FOXO3: variants seen among roughly 807,000 people sequenced by gnomAD.
The protein encoded by FOXO3 is forkhead box O3.
In FOXO3, 4 loss-of-function variants were observed where a neutral mutation model predicts 41.9. The ratio of observed to expected loss-of-function variants is 0.10; its 90% CI spans 0.05 to 0.22. FOXO3 has a LOEUF of 0.22. Ranked by LOEUF, FOXO3 falls within the 10% of genes least tolerant of loss-of-function variation. The probability of loss-of-function intolerance (pLI) is 1.00; values close to 1 mark genes in which losing one functional copy is unlikely to be tolerated. For missense variants in FOXO3, 534 were observed against 906.8 expected (o/e 0.59, Z 5.28); for synonymous variants, 318 against 389.3 (o/e 0.82, Z 2.16).
chr6:108,642,163 G>A (rs1000654188), intron 1 of FOXO3, among the ~76,000 whole-genome samples: 3 of 144,262 alleles, frequency 2.1e-5, no homozygotes, highest in Non-Finnish European at 4.5e-5. Context: ...ATCTCAACTT[G>A]TTGCAACCTC....
intron 2 of FOXO3, among the ~76,000 whole-genome samples, chr6:108,676,125 T>A (rs537992141): frequency 6.6e-6 from 1 of 152,326 alleles, no homozygotes; most frequent in African/African-American, 2.4e-5. Flanking sequence ...TTATTTGGTC[T>A]CCCCATTTCA....
At chr6:108,659,215 ATTTT>A (rs904247377) in intron 1 of FOXO3, among the ~76,000 whole-genome samples, 2 of 151,712 alleles carry the variant, frequency 1.3e-5, no homozygotes, top group African/African-American at 2.4e-5. Context: ...TTAAAAAAAA[ATTTT>A]TTTTTAGGAA....
At chr6:108,610,980 A>G (rs1777346066) in intron 1 of FOXO3, among the ~76,000 whole-genome samples, 1 of 152,218 alleles carries the variant, frequency 6.6e-6, no homozygotes, top group African/African-American at 2.4e-5. Flanking sequence ...CAAACATTTC[A>G]TCGCCACAAA....
At chr6:108,657,478 C>G (rs1778720816) in intron 1 of FOXO3, among the ~76,000 whole-genome samples, 2 of 152,114 alleles carry the variant, frequency 1.3e-5, no homozygotes, top group Admixed American at 1.3e-4. Flanking sequence ...CTATCTTAGC[C>G]TTAAGGAAGG....
At chr6:108,560,510 G>A (rs1009003315), upstream of FOXO3, among the ~76,000 whole-genome samples, 7 of 152,190 alleles carry the variant, frequency 4.6e-5, no homozygotes, top group Non-Finnish European at 7.3e-5. Flanking sequence ...GCCCGCGGGC[G>A]AAGAGGGGAG....
intron 1 of FOXO3, among the ~76,000 whole-genome samples, chr6:108,588,288 C>T (rs760693695): frequency 2.7e-5 from 4 of 150,872 alleles, no homozygotes; most frequent in Non-Finnish European, 2.9e-5. Context: ...GTTCCTTTTG[C>T]TAGTTTTCTG....
At chr6:108,665,027 C>A in intron 2 of FOXO3, 138 bp downstream of exon 2, 1 of 948,290 alleles carries the variant, frequency 1.1e-6, no homozygotes, top group Non-Finnish European at 1.5e-6. Flanking sequence ...ATATGGCTCC[C>A]AGCCAGTTCC....
intron 2 of FOXO3, among the ~76,000 whole-genome samples, chr6:108,669,533 G>A (rs941494678): frequency 5.9e-5 from 9 of 152,050 alleles, no homozygotes; most frequent in African/African-American, 2.2e-4. Context: ...TATAGTCTTC[G>A]GTTATAGTAT....
chr6:108,587,629 G>A (rs1175317420), intron 1 of FOXO3, among the ~76,000 whole-genome samples: 5 of 152,066 alleles, frequency 3.3e-5, no homozygotes, highest in African/African-American at 1.2e-4. Context: ...TCTCCCCTTC[G>A]TTTTAGACCA....
At chr6:108,660,128 G>A (rs1375183340) in intron 1 of FOXO3, among the ~76,000 whole-genome samples, 1 of 152,176 alleles carries the variant, frequency 6.6e-6, no homozygotes, top group East Asian at 1.9e-4. Context: ...TTAGCCTCGG[G>A]ACCTCCGTGT....
chr6:108,561,239 C>G lies in FOXO3; in HGVS notation c.31C>G (p.Leu11Val). Reference sequence around the variant, plus strand: ...AGAGGCACCGGCTTCCCCGGCCCCGCTCTCTCCGCTCGAAGTGGAGCTGGA... The same window carrying G: ...AGAGGCACCGGCTTCCCCGGCCCCGGTCTCTCCGCTCGAAGTGGAGCTGGA... MAEAPASPAP[L>V]SPLEVELDPE... The change falls in exon 1 of 3, where the codon CTC becomes GTC. Residue 11 changes from leucine to valine, a missense_variant. Physicochemically the swap from Leu to Val is conservative, Grantham distance 32. Transcript: ENST00000406360. 1 of 1,564,308 alleles carries G rather than the reference C, an allele frequency of 6.4e-7. No individual in the cohort carries two copies. Among genetic ancestry groups the G allele is most frequent in the East Asian group, 2.4e-5 (1 of 41,798 alleles).
intron 1 of FOXO3, among the ~76,000 whole-genome samples, chr6:108,631,071 T>C (rs1265010255): frequency 6.6e-6 from 1 of 152,244 alleles, no homozygotes; most frequent in Non-Finnish European, 1.5e-5. Context: ...TATACTGCTT[T>C]CTTAAACTAA....
At chr6:108,635,243 G>C (rs113696917) in intron 1 of FOXO3, among the ~76,000 whole-genome samples, 6,697 of 152,008 alleles carry the variant, frequency 0.044, 429 homozygotes, top group African/African-American at 0.14. Context: ...TGCAGTGAGC[G>C]GAGATCACAC....
At chr6:108,572,437 T>C (rs1284288276) in intron 1 of FOXO3, among the ~76,000 whole-genome samples, 2 of 152,232 alleles carry the variant, frequency 1.3e-5, no homozygotes, top group Non-Finnish European at 2.9e-5. Context: ...TTCAGGCTTA[T>C]GTCTGCTCTG....
intron 2 of FOXO3, among the ~76,000 whole-genome samples, chr6:108,675,771 T>C (rs1442113832): frequency 3.9e-5 from 6 of 152,238 alleles, no homozygotes; most frequent in African/African-American, 7.2e-5. Flanking sequence ...TTTCAACTTA[T>C]GATCTCTTTT....
rs551582260 is a variant in FOXO3 at position 108,625,633 on chromosome 6, C to T, written c.622-37822C>T. On this transcript the variant is annotated intron_variant, in intron 1 of 2. Coordinates refer to ENST00000406360, the MANE Select transcript of FOXO3 (RefSeq NM_001455.4). ...AAGCTGTGTTGAGAAGAGTTCTAAG[C>T]TCTGCTGCCTGTGTCAGTGTTCTCT... 2.0e-3 allele frequency among the ~76,000 whole-genome samples: 308 copies of T among 152,234 alleles called. 1 individual carries two copies. The highest frequency in any genetic ancestry group is 3.7e-3 in the Non-Finnish European group (255 of 68,018).
chr6:108,634,968 G>GTA (rs1189599038), intron 1 of FOXO3, among the ~76,000 whole-genome samples: 6 of 151,250 alleles, frequency 4.0e-5, no homozygotes, highest in East Asian at 3.9e-4. Context: ...TTGTGTGCAT[G>GTA]TATATATATA....
Position 108,569,987 on chromosome 6 carries a change from GTTTTTTTTTTTTT to G in FOXO3, c.621+8176_621+8188del, listed in dbSNP as rs71015551. The stretch of plus-strand genomic sequence containing the variant: ...TCCACATCATGTTTTCCCTTGCGTG[GTTTTTTTTTTTTT>G]TTTTTTTTTTTTTTTTTGAGACAGA... On this transcript the variant is annotated intron_variant, in intron 1 of 2. Transcript: ENST00000406360. Among the ~76,000 whole-genome samples the G allele has an allele frequency of 9.2e-3, 676 of 73,272 alleles. 3 individuals carry two copies. The highest frequency in any genetic ancestry group is 0.022 in the Middle Eastern group (2 of 90). 48.1% of individuals were successfully genotyped at this position (73,272 alleles called of 152,430 possible). A position where few individuals can be genotyped will look rare whatever the true frequency, so the allele number is the denominator to read the frequency against.
At chr6:108,579,281 T>TG (rs1359433701) in intron 1 of FOXO3, among the ~76,000 whole-genome samples, 6 of 152,136 alleles carry the variant, frequency 3.9e-5, no homozygotes, top group Non-Finnish European at 7.4e-5. Flanking sequence ...GTTTTCTTCT[T>TG]GGGGGAGTGG....
Sources: gnomAD v4.1 joint callset for allele counts (sites outside exome capture counted in the v4.1 genomes callset) on GRCh38, gnomAD v4.1.1 for gene constraint, MANE v1.5 for transcripts, NCBI Gene and HGNC (gene_info 2026-07-23, HGNC 2026-07-21) for gene names.